Variants in PCDHGB4 observed in about 807,000 individuals in gnomAD.
PCDHGB4 encodes protocadherin gamma-B4.
PCDHGB4 carries 38 observed loss-of-function variants against 60.5 expected under a neutral mutation model. That is an observed-to-expected ratio of 0.63 (90% CI 0.48 to 0.82). The LOEUF is 0.82. Among genes scored for constraint, PCDHGB4 ranks in the 40% least tolerant of loss-of-function variants. The pLI is 0.00. For missense variants in PCDHGB4, 1,109 were observed against 1,209.6 expected, an observed-to-expected ratio of 0.92 and a Z score of 1.23; for synonymous variants, 456 against 509.7, an observed-to-expected ratio of 0.89 and a Z score of 1.42.
intron 1 of PCDHGB4, among the ~76,000 whole-genome samples, chr5:141,447,851 C>A (rs961725006): frequency 6.6e-6 from 1 of 151,980 alleles, no homozygotes; most frequent in African/African-American, 2.4e-5. Flanking sequence ...TTTGGGAGGC[C>A]GAGGTGGGTG....
chr5:141,459,557 A>G (rs1052669136), intron 1 of PCDHGB4, among the ~76,000 whole-genome samples: 1 of 152,224 alleles, frequency 6.6e-6, no homozygotes, highest in East Asian at 1.9e-4. Context: ...TCTTGGATAA[A>G]TACCCCAAAA....
intron 1 of PCDHGB4, chr5:141,396,613 C>G (rs1283036515): frequency 6.6e-6 from 1 of 151,276 alleles, no homozygotes; most frequent in Non-Finnish European, 1.5e-5. Context: ...GGGTGAGACT[C>G]CGTCTCAAAA....
intron 1 of PCDHGB4, among the ~76,000 whole-genome samples, chr5:141,437,983 A>G (rs544812394): frequency 4.6e-5 from 7 of 151,938 alleles, no homozygotes; most frequent in Admixed American, 2.6e-4. Context: ...GGATGCACCC[A>G]CCCCACCTCA....
chr5:141,463,135 C>G (rs1352400365), intron 1 of PCDHGB4, among the ~76,000 whole-genome samples: 1 of 152,128 alleles, frequency 6.6e-6, no homozygotes, highest in African/African-American at 2.4e-5. Flanking sequence ...GGCAGTTCTT[C>G]GCCCAGCTGC....
chr5:141,478,164 C>A (rs202185809), intron 1 of PCDHGB4: 2 of 1,614,010 alleles, frequency 1.2e-6, no homozygotes, highest in African/African-American at 1.3e-5. Context: ...GGCTCTGCCC[C>A]CCGGGAGCAG....
chr5:141,404,392 T>A, intron 1 of PCDHGB4: 1 of 1,613,938 alleles, frequency 6.2e-7, no homozygotes, highest in Non-Finnish European at 8.5e-7. Context: ...ATGACCCTGA[T>A]AGCAATGAGA....
Position 141,394,174 on chromosome 5 carries a change from A to G in PCDHGB4, c.2397+3893A>G, listed in dbSNP as rs774402638. On this transcript the variant is annotated intron_variant, in intron 1 of 3. Coordinates refer to ENST00000519479, the MANE Select transcript of PCDHGB4 (RefSeq NM_003736.4). ...AACGACAACCCTCCTACTTTCCCTC[A>G]TGCCTCCTACTCAGCGTATATCCTA... 3 of 1,613,706 alleles carry G rather than the reference A, an allele frequency of 1.9e-6. No individual in the cohort carries two copies. In the East Asian group the frequency reaches 6.7e-5, roughly 36 times the overall value.
chr5:141,464,921 G>C (rs1562002597), intron 1 of PCDHGB4, among the ~76,000 whole-genome samples: 6 of 151,106 alleles, frequency 4.0e-5, no homozygotes, highest in Admixed American at 3.3e-4. Flanking sequence ...TTATTTTTTT[G>C]TAGAGATGTG....
Position 141,491,858 on chromosome 5 carries a change from A to G in PCDHGB4, c.2398-2949A>G, listed in dbSNP as rs17208425. 297,575 of 1,456,446 alleles carry G rather than the reference A, an allele frequency of 0.2. 31,644 individuals are homozygous for G. The highest frequency in any genetic ancestry group is 0.33 in the Admixed American group (11,758 of 35,494). 90.2% of individuals were successfully genotyped at this position (1,456,446 alleles called of 1,614,324 possible). On this transcript the variant is annotated intron_variant, in intron 1 of 3. Transcript: ENST00000519479. This position sits in a 1 kb window ranked among gnomAD's most constrained non-coding sequence, Gnocchi z 6.9. ...TCGGGATCATTGGACCGTTTGCGCG[A>G]AACCAGAGTGGCCGATTAAGGGATG... is the stretch of plus-strand genomic sequence containing the variant.
chr5:141,490,196 A>G lies in PCDHGB4; in HGVS notation c.2398-4611A>G, dbSNP rs748858034. On this transcript the variant is annotated intron_variant, in intron 1 of 3. Coordinates refer to ENST00000519479, the MANE Select transcript of PCDHGB4 (RefSeq NM_003736.4). The surrounding 1 kb of genome is among the most constrained non-coding windows in gnomAD (Gnocchi z 5.4). ...GAGGAGTCACGTTTCTATGAAATTCATGCAAGAGCCCGTGACCAGGGACAG... is the reference window on the plus strand; with the variant it reads ...GAGGAGTCACGTTTCTATGAAATTCGTGCAAGAGCCCGTGACCAGGGACAG... The G allele has an allele frequency of 3.7e-6, 6 of 1,614,196 alleles. No individual in the cohort carries two copies. The highest frequency in any genetic ancestry group is 4.2e-6 in the Non-Finnish European group (5 of 1,180,020).
At chr5:141,433,082 T>C in intron 1 of PCDHGB4, 1 of 1,614,188 alleles carries the variant, frequency 6.2e-7, no homozygotes. Flanking sequence ...CCAGCCCAAC[T>C]ATGCAGACAT....
At chr5:141,501,366 T>G (rs1297210978) in intron 2 of PCDHGB4, among the ~76,000 whole-genome samples, 1 of 150,672 alleles carries the variant, frequency 6.6e-6, no homozygotes, top group Non-Finnish European at 1.5e-5. Flanking sequence ...ACCATATTCA[T>G]CATCTCTTAA....
intron 1 of PCDHGB4, chr5:141,392,852 G>C: frequency 6.2e-7 from 1 of 1,611,984 alleles, no homozygotes; most frequent in East Asian, 2.2e-5. Flanking sequence ...GCGGCGAGCT[G>C]ATCCTGCTGT....
chr5:141,402,710 C>T (rs2094297033), intron 1 of PCDHGB4, among the ~76,000 whole-genome samples: 1 of 152,092 alleles, frequency 6.6e-6, no homozygotes, highest in African/African-American at 2.4e-5. Context: ...GGTGTAGTAA[C>T]GGCTTAGGAC....
In PCDHGB4 at chr5:141,489,744, C is replaced by T. The variant is rs185263705; in HGVS notation, c.2398-5063C>T. The T allele has an allele frequency of 1.1e-5, 18 of 1,614,144 alleles. No homozygotes were observed. In the Admixed American group the frequency reaches 2.8e-4, roughly 25 times the overall value. Reference sequence around the variant, plus strand: ...CGGATGTGGGCACCAATACTGTGAGCTTTTACACTCTAAGCCCCAACAGCC... The same window carrying T: ...CGGATGTGGGCACCAATACTGTGAGTTTTTACACTCTAAGCCCCAACAGCC... On this transcript the variant is annotated intron_variant, in intron 1 of 3. Transcript: ENST00000519479. This position sits in a 1 kb window ranked among gnomAD's most constrained non-coding sequence, Gnocchi z 4.5.
intron 2 of PCDHGB4, among the ~76,000 whole-genome samples, chr5:141,504,960 T>C (rs9324851): frequency 0.59 from 89,328 of 151,916 alleles, 27,885 homozygotes; most frequent in African/African-American, 0.8. Context: ...TTCAATGCAT[T>C]GGACCAGCCT....
At chr5:141,424,682 C>A (rs1421088073) in intron 1 of PCDHGB4, 1 of 152,062 alleles carries the variant, frequency 6.6e-6, no homozygotes, top group Non-Finnish European at 1.5e-5. Flanking sequence ...AGCTAGTATC[C>A]TTCTGGCTAT....
rs202113404 is a variant in PCDHGB4, at chr5:141,414,779, A to G, written c.2397+24498A>G. The G allele has an allele frequency of 4.2e-4, 674 of 1,614,210 alleles. No homozygotes were observed. Among genetic ancestry groups the G allele is most frequent in the Admixed American group, 6.0e-4 (36 of 60,022 alleles). On this transcript the variant is annotated intron_variant, in intron 1 of 3. Transcript: ENST00000519479. ...GAGCAGTTTCATGAGCTACAGATGCAGGTGACAGCCAGCGACAGCGGGGAT... is the reference window on the plus strand; with the variant it reads ...GAGCAGTTTCATGAGCTACAGATGCGGGTGACAGCCAGCGACAGCGGGGAT...
rs2099413746 is a variant in PCDHGB4, at chr5:141,477,589, G to A, written c.2398-17218G>A. ...ACCCCGACGCCCCGCAGAATGCTCGGCTTTCTTTCTTTCTCTTGGAGCAAG... is the reference window on the plus strand; with the variant it reads ...ACCCCGACGCCCCGCAGAATGCTCGACTTTCTTTCTTTCTCTTGGAGCAAG... On this transcript the variant is annotated intron_variant, in intron 1 of 3. Transcript: ENST00000519479. The surrounding 1 kb of genome is among the most constrained non-coding windows in gnomAD (Gnocchi z 4.9). 1 of 1,614,012 alleles carries A rather than the reference G, an allele frequency of 6.2e-7. No individual in the cohort carries two copies. The highest frequency in any genetic ancestry group is 1.1e-5 in the South Asian group (1 of 91,090).
Sources: gnomAD v4.1 joint callset for allele counts (sites outside exome capture counted in the v4.1 genomes callset) on GRCh38, gnomAD v4.1.1 for gene constraint, Gnocchi (gnomAD v3.1) non-coding constraint, MANE v1.5 for transcripts, NCBI Gene and HGNC (gene_info 2026-07-23, HGNC 2026-07-21) for gene names.